Variants in SH3BP4 observed in about 807,000 individuals in gnomAD.
The protein encoded by SH3BP4 is SH3 domain-binding protein 4.
A neutral mutation model predicts 65.5 loss-of-function variants in SH3BP4; 33 were observed. The observed-to-expected ratio is 0.50, with a 90% CI of 0.38 to 0.67. SH3BP4 has a LOEUF of 0.67. Among genes scored for constraint, SH3BP4 ranks in the 30% least tolerant of loss-of-function variants. The pLI is 0.00. For synonymous variants in SH3BP4, 552 were observed against 545.5 expected (o/e 1.01, Z -0.17); for missense variants, 1,134 against 1,261.4 (o/e 0.90, Z 1.53).
At chr2:235,004,038 G>A (rs1694214802) in intron 2 of SH3BP4, among the ~76,000 whole-genome samples, 1 of 152,240 alleles carries the variant, frequency 6.6e-6, no homozygotes, top group Admixed American at 6.5e-5. Context: ...GTCACTCGGT[G>A]AAGTTTGCCA....
chr2:235,006,340 T>TA lies in SH3BP4; in HGVS notation c.-133+10965dup, dbSNP rs1694294192. ...CCACTTGCTGCCCCAGGGGGTATCA[T>TA]ACGCATCATGGGTTTGGTCAAGAGT... On this transcript the variant is annotated intron_variant, in intron 2 of 5. Coordinates refer to ENST00000392011, the MANE Select transcript of SH3BP4 (RefSeq NM_014521.3). Among the ~76,000 whole-genome samples, 3 of 152,316 alleles carry TA rather than the reference T, an allele frequency of 2.0e-5. 1 individual carries two copies. The highest frequency in any genetic ancestry group is 4.1e-4 in the South Asian group (2 of 4,822).
intron 3 of SH3BP4, among the ~76,000 whole-genome samples, chr2:235,038,242 A>ATATATTATATATAC: frequency 4.8e-4 from 24 of 50,262 alleles, no homozygotes; most frequent in Middle Eastern, 9.8e-3. Flanking sequence ...TGTATTTTAT[A>ATATATTATATATAC]TATATATTAT....
intron 2 of SH3BP4, among the ~76,000 whole-genome samples, chr2:235,014,282 C>CGTGGAGGCTGGCCGAGTTTTGTG (rs1694617750): frequency 1.3e-5 from 2 of 152,246 alleles, no homozygotes; most frequent in South Asian, 4.1e-4. Flanking sequence ...ACTCAGCGAG[C>CGTGGAGGCTGGCCGAGTTTTGTG]GTGGAGGCTG....
chr2:235,037,817 T>G (rs1033463465), intron 3 of SH3BP4, among the ~76,000 whole-genome samples: 2 of 152,166 alleles, frequency 1.3e-5, no homozygotes, highest in Non-Finnish European at 2.9e-5. Context: ...CCCACATCAA[T>G]TCTTCCCACC....
chr2:234,964,770 C>T (rs1574774946), intron 1 of SH3BP4, among the ~76,000 whole-genome samples: 1 of 152,168 alleles, frequency 6.6e-6, no homozygotes, highest in African/African-American at 2.4e-5. Flanking sequence ...TCCTTCTGCA[C>T]TTCCCTCGCT....
At position 235,042,579 on chromosome 2, in the gene SH3BP4, T is replaced by G; in HGVS notation, c.1810T>G (p.Phe604Val). ...CGACCAGGAGGCCATCCTCACCCAGTTTTGTGTCCAGACTCCTCAGCCACC... is the reference window on the plus strand; with the variant it reads ...CGACCAGGAGGCCATCCTCACCCAGGTTTGTGTCCAGACTCCTCAGCCACC... ...KDDQEAILTQ[F>V]CVQTPQPPPK... Residue 604 changes from phenylalanine (F) to valine (V), a missense_variant, in exon 4 of 6, where the codon TTT (phenylalanine) becomes GTT (valine). By Grantham distance (50) the Phe-to-Val change is conservative. Coordinates refer to ENST00000392011, the MANE Select transcript of SH3BP4 (RefSeq NM_014521.3). The surrounding 1 kb of genome is among the most constrained non-coding windows in gnomAD (Gnocchi z 7.3). 1 of 1,613,958 alleles carries G rather than the reference T, an allele frequency of 6.2e-7. No individual in the cohort carries two copies. The highest frequency in any genetic ancestry group is 1.1e-5 in the South Asian group (1 of 91,062).
At chr2:235,007,397 C>A (rs1374565246) in intron 2 of SH3BP4, among the ~76,000 whole-genome samples, 1 of 152,142 alleles carries the variant, frequency 6.6e-6, no homozygotes, top group Non-Finnish European at 1.5e-5. Context: ...TCTCCCAGCC[C>A]CCCAGGGACA....
In SH3BP4 at chr2:235,033,828, C is replaced by G. The variant is rs1695281017; in HGVS notation, c.-132-1043C>G. ...AAGGGTGGTGTCAGGGCCTCCGGGT[C>G]TCTGCATGGTAAAGGCAGCACACTG... is the stretch of plus-strand genomic sequence containing the variant. On this transcript the variant is annotated intron_variant, in intron 2 of 5. Transcript: ENST00000392011. The surrounding 1 kb of genome is among the most constrained non-coding windows in gnomAD (Gnocchi z 5.7). Among the ~76,000 whole-genome samples the G allele has an allele frequency of 6.6e-6, 1 of 152,150 alleles. No individual in the cohort carries two copies. The highest frequency in any genetic ancestry group is 1.5e-5 in the Non-Finnish European group (1 of 68,040).
intron 2 of SH3BP4, among the ~76,000 whole-genome samples, chr2:235,010,282 C>G (rs1694437596): frequency 1.3e-5 from 2 of 152,196 alleles, no homozygotes; most frequent in South Asian, 4.1e-4. Context: ...ACTTCATCTC[C>G]AGTTGCCTGT....
intron 2 of SH3BP4, among the ~76,000 whole-genome samples, chr2:235,013,403 T>TG (rs1694582086): frequency 6.6e-6 from 1 of 152,256 alleles, no homozygotes; most frequent in Non-Finnish European, 1.5e-5. Context: ...TCCTGCAGGC[T>TG]GGGGTCTCCC....
At chr2:234,970,107 TCACACACACTCTCACACTCTTA>T (rs1362387847) in intron 1 of SH3BP4, among the ~76,000 whole-genome samples, 2 of 151,150 alleles carry the variant, frequency 1.3e-5, no homozygotes, top group African/African-American at 4.9e-5. Flanking sequence ...ATACACTCAC[TCACACACACTCTCACACTCTTA>T]CACACACACT....
At chr2:234,957,508 T>C (rs946083550) in intron 1 of SH3BP4, among the ~76,000 whole-genome samples, 3 of 151,578 alleles carry the variant, frequency 2.0e-5, no homozygotes, top group Non-Finnish European at 4.4e-5. Context: ...TTGGTCCATG[T>C]CTGCCTAGGA....
At chr2:234,995,869 T>G (rs1693899693) in intron 2 of SH3BP4, 1 of 152,280 alleles carries the variant, frequency 6.6e-6, no homozygotes, top group Non-Finnish European at 1.5e-5. Context: ...CGGTTAGAGG[T>G]CACCCTCCCT....
chr2:234,985,598 G>A (rs559040399), intron 1 of SH3BP4, among the ~76,000 whole-genome samples: 2 of 152,194 alleles, frequency 1.3e-5, no homozygotes, highest in South Asian at 2.1e-4. Context: ...CCGCGCACAG[G>A]TATTTTTGAC....
rs200773145 is a variant in SH3BP4, at chr2:235,041,195, C to G, written c.426C>G (p.Leu142=). ...AGGTAGCCAAGGAGCTGGAGCTGCT[C>G]GGGGGATGGACAGATGACAAAAAAG... The part of the protein sequence containing the change: ...PDEVAKELEL[L]GGWTDDKKVP... The change falls in exon 4 of 6, where the codon CTC becomes CTG. Residue 142 remains leucine (L), a synonymous_variant. Transcript: ENST00000392011. This position sits in a 1 kb window ranked among gnomAD's most constrained non-coding sequence, Gnocchi z 6.0. 26 of 1,614,072 alleles carry G rather than the reference C, an allele frequency of 1.6e-5. No individual in the cohort carries two copies. In the South Asian group the frequency reaches 1.8e-4, roughly 11 times the overall value.
chr2:235,023,471 C>T (rs1001619735), intron 2 of SH3BP4, among the ~76,000 whole-genome samples: 6 of 151,940 alleles, frequency 3.9e-5, no homozygotes, highest in South Asian at 2.1e-4. Context: ...TGCCTGAACC[C>T]GGGTGGTGGG....
At position 235,035,945 on chromosome 2, in the gene SH3BP4, C is replaced by G. The variant is rs555832384; in HGVS notation, c.118+825C>G. ...TCATCATCCCTTGGCTTTCTCTTAG[C>G]TGTTGAAACTGTCTTGCCTGGAGCA... On this transcript the variant is annotated intron_variant, in intron 3 of 5. Transcript: ENST00000392011. The surrounding 1 kb of genome is among the most constrained non-coding windows in gnomAD (Gnocchi z 5.0). Among the ~76,000 whole-genome samples, 1 of 152,360 alleles carries G rather than the reference C, an allele frequency of 6.6e-6. No individual in the cohort carries two copies. The highest frequency in any genetic ancestry group is 1.9e-4 in the East Asian group (1 of 5,190).
At chr2:235,020,191 A>G (rs1224960179) in intron 2 of SH3BP4, among the ~76,000 whole-genome samples, 2 of 152,188 alleles carry the variant, frequency 1.3e-5, no homozygotes, top group Non-Finnish European at 2.9e-5. Flanking sequence ...GAAAATGCCT[A>G]GATATAGAAA....
intron 4 of SH3BP4, among the ~76,000 whole-genome samples, chr2:235,050,322 T>A (rs10185205): frequency 0.14 from 21,201 of 151,970 alleles, 1,511 homozygotes; most frequent in Middle Eastern, 0.2. Flanking sequence ...TTTCACTGTG[T>A]TAGCCAGGAT....
Sources: gnomAD v4.1 joint callset for allele counts (sites outside exome capture counted in the v4.1 genomes callset) on GRCh38, gnomAD v4.1.1 for gene constraint, Gnocchi (gnomAD v3.1) non-coding constraint, MANE v1.5 for transcripts, NCBI Gene and HGNC (gene_info 2026-07-23, HGNC 2026-07-21) for gene names.